Variants in LRRC63 observed in about 807,000 individuals in gnomAD.
LRRC63 encodes the protein leucine rich repeat containing 63.
LRRC63 carries 40 observed loss-of-function variants against 49.5 expected under a neutral mutation model. That is an observed-to-expected ratio of 0.81 (90% confidence interval 0.63 to 1.05). The LOEUF (loss-of-function observed/expected upper bound fraction) is 1.05. Ranked by LOEUF, LRRC63 falls within the 50% of genes least tolerant of loss-of-function variation. The probability of loss-of-function intolerance (pLI) is 0.00; values close to 1 mark genes in which losing one functional copy is unlikely to be tolerated. For synonymous variants in LRRC63, 191 were observed against 221.1 expected (o/e 0.86, Z 1.21); for missense variants, 636 against 663.1 (o/e 0.96, Z 0.45).
intron 9 of LRRC63, among the ~76,000 whole-genome samples, chr13:46,275,248 T>A (rs2047818064): frequency 6.6e-6 from 1 of 152,222 alleles, no homozygotes; most frequent in African/African-American, 2.4e-5. Flanking sequence ...CAACTCCATA[T>A]CTTGGCGATT....
At chr13:46,273,471 G>A (rs1414146524) in intron 9 of LRRC63, among the ~76,000 whole-genome samples, 3 of 151,596 alleles carry the variant, frequency 2.0e-5, no homozygotes, top group Non-Finnish European at 4.4e-5. Flanking sequence ...GCGTGCTGGC[G>A]GGCACCTGTA....
intron 9 of LRRC63, among the ~76,000 whole-genome samples, chr13:46,274,013 C>T (rs1324087197): frequency 6.6e-6 from 1 of 151,158 alleles, no homozygotes; most frequent in Non-Finnish European, 1.5e-5. Context: ...AAGTTTTTTT[C>T]TTCAGGCCTT....
At chr13:46,273,911 CAAAA>C (rs34967125) in intron 9 of LRRC63, among the ~76,000 whole-genome samples, 3 of 100,770 alleles carry the variant, frequency 3.0e-5, no homozygotes, top group Admixed American at 9.9e-5. Context: ...GACTCTGTCT[CAAAA>C]AAAAAAAAAA....
chr13:46,227,431 A>G, intron 2 of LRRC63, 81 bp from the exon 3 acceptor site: 2 of 983,830 alleles, frequency 2.0e-6, no homozygotes, highest in African/African-American at 3.3e-5. Context: ...TGAGTGGGTA[A>G]AGAAAAGTGA....
chr13:46,235,315 A>G lies in LRRC63; in HGVS notation c.990+966A>G, dbSNP rs74373629. Reference sequence around the variant, plus strand: ...ACAAGTTAAAGGAGCAGAGATTTTAAAGAAAATATATGTCAAAGAATACAG... The same window carrying G: ...ACAAGTTAAAGGAGCAGAGATTTTAGAGAAAATATATGTCAAAGAATACAG... On this transcript the variant is annotated intron_variant, in intron 5 of 9. Coordinates refer to ENST00000595396, the Ensembl canonical transcript of LRRC63. Among the ~76,000 whole-genome samples the G allele has an allele frequency of 1.7e-3, 260 of 152,270 alleles. 2 individuals are homozygous for G. The highest frequency in any genetic ancestry group is 6.0e-3 in the African/African-American group (250 of 41,566).
intron 4 of LRRC63, among the ~76,000 whole-genome samples, chr13:46,232,929 A>G (rs1304198905): frequency 6.6e-6 from 1 of 152,170 alleles, no homozygotes; most frequent in Non-Finnish European, 1.5e-5. Flanking sequence ...AAATGAGTCA[A>G]ATAAAATTCT....
chr13:46,242,784 C>T (rs1007637070), intron 5 of LRRC63, among the ~76,000 whole-genome samples: 4 of 151,244 alleles, frequency 2.6e-5, no homozygotes, highest in Non-Finnish European at 4.4e-5. Context: ...CAAAAAACCT[C>T]TCAACTGAGA....
chr13:46,261,631 GCAA>G (rs146074074), intron 7 of LRRC63, among the ~76,000 whole-genome samples: 2 of 151,950 alleles, frequency 1.3e-5, no homozygotes, highest in African/African-American at 4.8e-5. Flanking sequence ...GGAAACTAAT[GCAA>G]CAACAACAAC....
chr13:46,218,832 A>G (rs936555638), intron 2 of LRRC63, among the ~76,000 whole-genome samples: 1 of 152,096 alleles, frequency 6.6e-6, no homozygotes, highest in African/African-American at 2.4e-5. Flanking sequence ...GCTTGTCTGT[A>G]ATGGATTTTA....
chr13:46,213,644 GTTAGAT>G (rs1322303482), intron 2 of LRRC63, among the ~76,000 whole-genome samples: 1 of 152,234 alleles, frequency 6.6e-6, no homozygotes, highest in African/African-American at 2.4e-5. Context: ...CAAGATATGT[GTTAGAT>G]AAGTTTCCTT....
intron 2 of LRRC63, among the ~76,000 whole-genome samples, chr13:46,221,761 G>C (rs1566470207): frequency 6.7e-6 from 1 of 149,502 alleles, no homozygotes; most frequent in African/African-American, 2.5e-5. Context: ...ACTGGGGAGT[G>C]GGGGTCTGTT....
intron 6 of LRRC63, among the ~76,000 whole-genome samples, chr13:46,247,343 T>C (rs1353740204): frequency 6.6e-6 from 1 of 152,170 alleles, no homozygotes; most frequent in Non-Finnish European, 1.5e-5. Flanking sequence ...ACCAGTTTTA[T>C]TAATTTGACT....
chr13:46,214,538 T>C (rs1251949914), intron 2 of LRRC63, among the ~76,000 whole-genome samples: 1 of 152,084 alleles, frequency 6.6e-6, no homozygotes, highest in Non-Finnish European at 1.5e-5. Context: ...CATTTTAGGT[T>C]GGATGGTTCC....
At chr13:46,225,416 T>G (rs1016387496) in intron 2 of LRRC63, among the ~76,000 whole-genome samples, 2 of 152,208 alleles carry the variant, frequency 1.3e-5, no homozygotes, top group Middle Eastern at 3.4e-3. Flanking sequence ...GAAGTGGGTG[T>G]GTGGAGGAGG....
At chr13:46,276,531 A>G (rs2138606697) in intron 9 of LRRC63, 59 bp from the exon 10 acceptor site, 1 of 836,096 alleles carries the variant, frequency 1.2e-6, no homozygotes, top group Non-Finnish European at 1.6e-6. Context: ...AGTCTTGCAT[A>G]GCACAGAGTC....
At chr13:46,248,891 T>C (rs1177227519) in intron 6 of LRRC63, among the ~76,000 whole-genome samples, 1 of 139,774 alleles carries the variant, frequency 7.2e-6, no homozygotes, top group African/African-American at 2.8e-5. Flanking sequence ...TATGTTAGGC[T>C]ACAAAATCAG....
intron 4 of LRRC63, among the ~76,000 whole-genome samples, chr13:46,232,280 A>G (rs1476113795): frequency 6.6e-6 from 1 of 152,220 alleles, no homozygotes; most frequent in African/African-American, 2.4e-5. Flanking sequence ...CATCCAAACT[A>G]TATCACAGTC....
chr13:46,251,955 AG>A (rs1288452655), intron 7 of LRRC63, among the ~76,000 whole-genome samples: 3 of 151,938 alleles, frequency 2.0e-5, no homozygotes, highest in Non-Finnish European at 4.4e-5. Flanking sequence ...ATAATCAAAA[AG>A]TTTGCAGAAG....
intron 2 of LRRC63, among the ~76,000 whole-genome samples, chr13:46,218,424 CT>C (rs1593999982): frequency 9.0e-6 from 1 of 111,314 alleles, no homozygotes; most frequent in African/African-American, 4.5e-5. Flanking sequence ...GCAACCCCTG[CT>C]TTTTTTTGTT....
Sources: allele counts gnomAD v4.1 joint callset (sites outside exome capture counted in the v4.1 genomes callset), GRCh38; gene constraint gnomAD v4.1.1; transcripts MANE v1.5; gene names NCBI Gene and HGNC (gene_info 2026-07-23, HGNC 2026-07-21).